Variants in IL1RAPL2 observed in about 807,000 individuals in gnomAD.
The protein encoded by IL1RAPL2 is X-linked interleukin-1 receptor accessory protein-like 2.
In IL1RAPL2, 3 loss-of-function variants were observed where a neutral mutation model predicts 44.1. The ratio of observed to expected loss-of-function variants is 0.07; its 90% CI spans 0.03 to 0.18. The LOEUF (loss-of-function observed/expected upper bound fraction) is 0.18, where lower values mean the gene tolerates loss of function less well. IL1RAPL2 is among the 10% of genes least tolerant of loss of function. The probability of loss-of-function intolerance (pLI) is 1.00; values close to 1 mark genes in which losing one functional copy is unlikely to be tolerated. For synonymous variants in IL1RAPL2, 181 were observed against 178.8 expected (o/e 1.01, Z -0.10); for missense variants, 391 against 496.4 (o/e 0.79, Z 2.02).
At chrX:104,677,051 C>T (rs1227700745) in intron 2 of IL1RAPL2, among the ~76,000 whole-genome samples, 3 of 111,458 alleles carry the variant, frequency 2.7e-5, no homozygotes, top group Non-Finnish European at 5.6e-5. Context: ...AATGTCCTCC[C>T]ATAGCTCGGA....
chrX:105,218,513 C>G (rs2033890128), intron 3 of IL1RAPL2, among the ~76,000 whole-genome samples: 2 of 111,472 alleles, frequency 1.8e-5, no homozygotes, highest in South Asian at 7.7e-4. Context: ...CTCCAATCAT[C>G]TAAGGCCTAG....
At chrX:105,732,381 C>G (rs2038413564) in intron 7 of IL1RAPL2, among the ~76,000 whole-genome samples, 1 of 110,607 alleles carries the variant, frequency 9.0e-6, no homozygotes, top group African/African-American at 3.3e-5. Flanking sequence ...AATGGCTTAG[C>G]ACCATCCCTT....
At chrX:105,474,057 A>G (rs1225528701) in intron 5 of IL1RAPL2, among the ~76,000 whole-genome samples, 2 of 111,734 alleles carry the variant, frequency 1.8e-5, no homozygotes, top group Non-Finnish European at 3.8e-5. Context: ...AAGTAGAATT[A>G]TGGTTGCTAA....
intron 2 of IL1RAPL2, among the ~76,000 whole-genome samples, chrX:104,930,646 A>G (rs752565677): frequency 5.1e-4 from 57 of 111,794 alleles, no homozygotes; most frequent in Non-Finnish European, 1.5e-4. Context: ...GAATTTAGGC[A>G]GTATAACCTC....
rs35810207 is a variant in IL1RAPL2 at position 104,867,236 on chromosome X, CAAAAA to C, written c.82+208261_82+208265del. ...TGGGCAAAAGAGCAAGTCTCTGTCT[CAAAAA>C]AAAAAAAAAAAAAAAAAAATTGTAT... On this transcript the variant is annotated intron_variant, in intron 2 of 10. Transcript: ENST00000372582. 1.6e-4 allele frequency among the ~76,000 whole-genome samples: 7 copies of C among 43,780 alleles called. No homozygotes were observed. In the East Asian group the frequency reaches 3.4e-3, roughly 22 times the overall value. The allele number at this position is 43,780 out of a possible 115,157, so 38.0% of individuals were successfully genotyped here. A position where few individuals can be genotyped will look rare whatever the true frequency, so the allele number is the denominator to read the frequency against.
At chrX:105,040,844 A>C (rs1427868508) in intron 2 of IL1RAPL2, among the ~76,000 whole-genome samples, 3 of 102,818 alleles carry the variant, frequency 2.9e-5, no homozygotes, top group African/African-American at 7.3e-5. Flanking sequence ...TGGATTCATT[A>C]ATTTTTTGAA....
chrX:104,656,133 T>A (rs1376741500), intron 1 of IL1RAPL2, among the ~76,000 whole-genome samples: 1 of 111,382 alleles, frequency 9.0e-6, no homozygotes, highest in African/African-American at 3.3e-5. Context: ...AACCCCTGGA[T>A]TCATTGATTT....
At chrX:105,477,434 T>A (rs1394800311) in intron 5 of IL1RAPL2, among the ~76,000 whole-genome samples, 2 of 111,344 alleles carry the variant, frequency 1.8e-5, no homozygotes, top group African/African-American at 6.5e-5. Context: ...AGAGATTCCT[T>A]GCCTCAAGCA....
At chrX:105,323,278 T>G (rs2034909835) in intron 5 of IL1RAPL2, among the ~76,000 whole-genome samples, 1 of 112,410 alleles carries the variant, frequency 8.9e-6, no homozygotes, top group Non-Finnish European at 1.9e-5. Context: ...AAACAGATTT[T>G]GTTATCAAAG....
At chrX:105,079,984 A>C (rs1602942690) in intron 2 of IL1RAPL2, among the ~76,000 whole-genome samples, 1 of 112,303 alleles carries the variant, frequency 8.9e-6, no homozygotes, top group Admixed American at 9.4e-5. Context: ...TTGGTTGGCC[A>C]CATAAATATC....
chrX:105,766,260 C>T (rs928218643), intron 10 of IL1RAPL2, among the ~76,000 whole-genome samples: 3 of 112,059 alleles, frequency 2.7e-5, no homozygotes, highest in Admixed American at 1.9e-4. Flanking sequence ...CTTCACTCTT[C>T]CTTGGAACAA....
chrX:104,896,483 A>G (rs889307361), intron 2 of IL1RAPL2, among the ~76,000 whole-genome samples: 2 of 111,544 alleles, frequency 1.8e-5, no homozygotes, highest in Non-Finnish European at 3.8e-5. Context: ...TGTCCTGTTT[A>G]GAGGGGAGAT....
At chrX:104,889,689 C>G (rs1001987723) in intron 2 of IL1RAPL2, among the ~76,000 whole-genome samples, 2 of 111,651 alleles carry the variant, frequency 1.8e-5, no homozygotes, top group Non-Finnish European at 3.8e-5. Flanking sequence ...GCTACAGGAA[C>G]CGGAATAGCC....
At chrX:105,204,170 C>T (rs1376231136) in intron 3 of IL1RAPL2, among the ~76,000 whole-genome samples, 1 of 111,338 alleles carries the variant, frequency 9.0e-6, no homozygotes, top group Non-Finnish European at 1.9e-5. Context: ...GGAAACCCGC[C>T]ACTCTCCCTA....
chrX:104,700,811 G>A (rs915511849), intron 2 of IL1RAPL2, among the ~76,000 whole-genome samples: 1 of 111,763 alleles, frequency 8.9e-6, no homozygotes, highest in Non-Finnish European at 1.9e-5. Flanking sequence ...ATAGTCATAA[G>A]AGCTACAGCC....
intron 2 of IL1RAPL2, among the ~76,000 whole-genome samples, chrX:105,124,101 C>A (rs1319731923): frequency 9.0e-6 from 1 of 111,306 alleles, no homozygotes; most frequent in African/African-American, 3.2e-5. Context: ...TGTAAATTGG[C>A]TTATAACAGT....
At chrX:104,873,405 T>C (rs1922815478) in intron 2 of IL1RAPL2, among the ~76,000 whole-genome samples, 1 of 112,012 alleles carries the variant, frequency 8.9e-6, no homozygotes, top group South Asian at 3.7e-4. Flanking sequence ...GTATATATCA[T>C]TTTGCTTCAT....
At chrX:104,840,060 C>G (rs1381149442) in intron 2 of IL1RAPL2, among the ~76,000 whole-genome samples, 1 of 108,706 alleles carries the variant, frequency 9.2e-6, no homozygotes, top group African/African-American at 3.4e-5. Context: ...TGTCTCTGTC[C>G]CCTTCACTTC....
rs1337221317 is a variant in IL1RAPL2 at position 105,640,731 on chromosome X, TATATAG to T, written c.773-76626_773-76621del. Among the ~76,000 whole-genome samples the T allele has an allele frequency of 8.0e-5, 7 of 87,001 alleles. No homozygotes were observed. In the East Asian group the frequency reaches 1.4e-3, roughly 17 times the overall value. The allele number at this position is 87,001 out of a possible 115,157, so 75.5% of individuals were successfully genotyped here. ...ATATATATACACACACATATCTATA[TATATAG>T]ATATAGATAGATATAGATATAGATA... On this transcript the variant is annotated intron_variant, in intron 6 of 10. Transcript: ENST00000372582.
Sources: allele counts gnomAD v4.1 joint callset (sites outside exome capture counted in the v4.1 genomes callset), GRCh38; gene constraint gnomAD v4.1.1; transcripts MANE v1.5; gene names NCBI Gene and HGNC (gene_info 2026-07-23, HGNC 2026-07-21).